HGF: variants seen among roughly 807,000 people sequenced by gnomAD.
HGF encodes the protein fibroblast-derived tumor cytotoxic factor.
In HGF, 39 loss-of-function variants were observed where a neutral mutation model predicts 111.6. The observed-to-expected ratio is 0.35, with a 90% CI of 0.27 to 0.46. The LOEUF (loss-of-function observed/expected upper bound fraction) is 0.46. HGF is among the 20% of genes least tolerant of loss of function. The pLI, the probability that HGF is intolerant of heterozygous loss-of-function variation, is 1.00. For missense variants in HGF, 735 were observed against 910.5 expected, an observed-to-expected ratio of 0.81 and a Z score of 2.48; for synonymous variants, 285 against 294.8, an observed-to-expected ratio of 0.97 and a Z score of 0.34.
At chr7:81,751,854 C>A (rs1788520883) in intron 5 of HGF, 5 of 1,286,416 alleles carry the variant, frequency 3.9e-6, no homozygotes, top group South Asian at 1.8e-5. Flanking sequence ...GGTAAGTAAA[C>A]CCTCTCTTTC....
At position 81,743,612 on chromosome 7, in the gene HGF, G is replaced by C. The variant is rs1788098582; in HGVS notation, c.747-141C>G. 1.4e-5 allele frequency: 10 copies of C among 733,032 alleles called. No individual in the cohort carries two copies. The South Asian group carries it at 1.5e-4, about 11-fold the overall frequency. 45.4% of individuals were successfully genotyped at this position (733,032 alleles called of 1,614,324 possible). On this transcript the variant is annotated intron_variant, in intron 6 of 17. Coordinates refer to ENST00000222390, the MANE Select transcript of HGF (RefSeq NM_000601.6). Reference sequence around the variant, plus strand: ...CGTTTTCTATGTTTTGCCTTACGAGGACTGCTGATCACTGACTATTGAATC... The same window carrying C: ...CGTTTTCTATGTTTTGCCTTACGAGCACTGCTGATCACTGACTATTGAATC...
rs1789281445 is a variant in HGF, at chr7:81,701,641, T to C, written c.*940A>G. The stretch of plus-strand genomic sequence containing the variant: ...TTAAGAAATGCTTTAGGAAAATAGA[T>C]CTACAAATATCTTGTGTAAATAAGT... On this transcript the variant is annotated 3_prime_UTR_variant, in exon 18 of 18. Coordinates refer to ENST00000222390, the MANE Select transcript of HGF (RefSeq NM_000601.6). 4.0e-5 allele frequency: 6 copies of C among 151,546 alleles called. No individual in the cohort carries two copies. In the Admixed American group the frequency reaches 4.0e-4, roughly 10 times the overall value. The allele number at this position is 151,546 out of a possible 1,614,324, so 9.4% of individuals were successfully genotyped here. A position where few individuals can be genotyped will look rare whatever the true frequency, so the allele number is the denominator to read the frequency against.
At position 81,700,729 on chromosome 7, in the gene HGF, T is replaced by C. The variant is rs1003095367; in HGVS notation, c.*1852A>G. 1 of 151,614 alleles carries C rather than the reference T, an allele frequency of 6.6e-6. No individual in the cohort carries two copies. Among genetic ancestry groups the C allele is most frequent in the Non-Finnish European group, 1.5e-5 (1 of 67,652 alleles). 9.4% of individuals were successfully genotyped at this position (151,614 alleles called of 1,614,324 possible). A position where few individuals can be genotyped will look rare whatever the true frequency, so the allele number is the denominator to read the frequency against. The stretch of plus-strand genomic sequence containing the variant: ...ATAGAAATACCATCAGATAAGATGA[T>C]AGAGACCAGCAACTAGTTGGATGTC... On this transcript the variant is annotated 3_prime_UTR_variant, in exon 18 of 18. Coordinates refer to ENST00000222390, the MANE Select transcript of HGF (RefSeq NM_000601.6).
Position 81,707,279 on chromosome 7 carries a change from A to T in HGF, c.1616+11T>A, listed in dbSNP as rs1789453120. On this transcript the variant is annotated intron_variant, in intron 14 of 17. Coordinates refer to ENST00000222390, the MANE Select transcript of HGF (RefSeq NM_000601.6). ...AGGCTCAAAATAATACTAGTTTTAA[A>T]AACACTTTACCGAGAAGGGAAACAC... 5.2e-6 allele frequency: 8 copies of T among 1,524,044 alleles called. No individual in the cohort carries two copies. The highest frequency in any genetic ancestry group is 5.5e-6 in the Non-Finnish European group (6 of 1,098,732). 94.4% of individuals were successfully genotyped at this position (1,524,044 alleles called of 1,614,324 possible). A position where few individuals can be genotyped will look rare whatever the true frequency, so the allele number is the denominator to read the frequency against.
At chr7:81,708,617 T>C (rs574156216) in intron 13 of HGF, among the ~76,000 whole-genome samples, 16 of 150,380 alleles carry the variant, frequency 1.1e-4, no homozygotes, top group Non-Finnish European at 1.9e-4. Flanking sequence ...CTAATTTTTG[T>C]ATTTTTAGTA....
Position 81,722,773 on chromosome 7 carries a change from C to T in HGF, c.1169-1926G>A, listed in dbSNP as rs931093363. On this transcript the variant is annotated intron_variant, in intron 9 of 17. Transcript: ENST00000222390. ...AGGTTGCAATGAGCCAAGATCATGC[C>T]ACTGCAATCCAGCCTGGGCGACAGA... 3.1e-5 allele frequency among the ~76,000 whole-genome samples: 4 copies of T among 127,734 alleles called. No homozygotes were observed. In the East Asian group the frequency reaches 6.9e-4, roughly 22 times the overall value. 83.8% of individuals were successfully genotyped at this position (127,734 alleles called of 152,430 possible).
chr7:81,745,286 A>G (rs183374027), intron 5 of HGF, among the ~76,000 whole-genome samples, 166 bp from the exon 6 acceptor site: 1 of 152,334 alleles, frequency 6.6e-6, no homozygotes, highest in East Asian at 1.9e-4. Flanking sequence ...AGTGACATAA[A>G]CTACTCCCTA....
At chr7:81,715,998 A>G (rs899921126) in intron 11 of HGF, among the ~76,000 whole-genome samples, 2 of 152,196 alleles carry the variant, frequency 1.3e-5, no homozygotes, top group African/African-American at 4.8e-5. Flanking sequence ...ACAGATACAT[A>G]GTATAGTAAA....
chr7:81,761,647 C>G (rs1789086181), intron 2 of HGF, among the ~76,000 whole-genome samples: 1 of 151,862 alleles, frequency 6.6e-6, no homozygotes, highest in Admixed American at 6.6e-5. Context: ...CTTCTTCTGA[C>G]AGTTTAGGAG....
chr7:81,711,381 T>C, intron 12 of HGF, 100 bp downstream of exon 12: 1 of 566,942 alleles, frequency 1.8e-6, no homozygotes, highest in South Asian at 3.1e-5. Flanking sequence ...CTTTTTATAA[T>C]GGAAGCTAAT....
chr7:81,740,664 T>A (rs1787971620), intron 7 of HGF, among the ~76,000 whole-genome samples: 1 of 152,238 alleles, frequency 6.6e-6, no homozygotes, highest in South Asian at 2.1e-4. Context: ...GCTATCCTGT[T>A]GGCAGGAGTA....
intron 2 of HGF, among the ~76,000 whole-genome samples, chr7:81,760,100 TA>T (rs1788994616): frequency 6.6e-6 from 1 of 152,198 alleles, no homozygotes; most frequent in South Asian, 2.1e-4. Context: ...CACCTCCATA[TA>T]AAGTGGGTGG....
chr7:81,734,079 C>G (rs948743860), intron 7 of HGF, among the ~76,000 whole-genome samples: 1 of 152,038 alleles, frequency 6.6e-6, no homozygotes, highest in Non-Finnish European at 1.5e-5. Flanking sequence ...TGTCAGAAAA[C>G]ACAGAAACAT....
In HGF at chr7:81,700,701, A is replaced by G. The variant is rs905679818; in HGVS notation, c.*1880T>C. On this transcript the variant is annotated 3_prime_UTR_variant, in exon 18 of 18. Transcript: ENST00000222390. ...TACTAAAATGGTGTATTATATAAGG[A>G]AAATAGAAATACCATCAGATAAGAT... 5 of 151,602 alleles carry G rather than the reference A, an allele frequency of 3.3e-5. No homozygotes were observed. The highest frequency in any genetic ancestry group is 1.3e-4 in the Admixed American group (2 of 15,150). 9.4% of individuals were successfully genotyped at this position (151,602 alleles called of 1,614,324 possible).
chr7:81,745,264 A>AT, intron 5 of HGF, 144 bp from the exon 6 acceptor site: 2 of 778,188 alleles, frequency 2.6e-6, no homozygotes, highest in Non-Finnish European at 4.3e-6. Context: ...TTAGGGCCTA[A>AT]TGTCTATAAA....
intron 11 of HGF, among the ~76,000 whole-genome samples, chr7:81,713,523 G>C (rs1217319868): frequency 8.3e-6 from 1 of 119,980 alleles, no homozygotes; most frequent in Non-Finnish European, 1.7e-5. Context: ...GGGCAGCAGT[G>C]TGATACTCTG....
At chr7:81,738,024 T>A (rs921738106) in intron 7 of HGF, among the ~76,000 whole-genome samples, 1 of 151,986 alleles carries the variant, frequency 6.6e-6, no homozygotes, top group Non-Finnish European at 1.5e-5. Context: ...GGCAGCTAAA[T>A]GATGAGAACA....
At chr7:81,757,040 C>T in intron 4 of HGF, 149 bp downstream of exon 4, 2 of 658,612 alleles carry the variant, frequency 3.0e-6, no homozygotes, top group Non-Finnish European at 5.5e-6. Context: ...AAATATCAGT[C>T]ATGAATTCAT....
chr7:81,750,936 A>G (rs1228857784), intron 5 of HGF: 6 of 917,452 alleles, frequency 6.5e-6, no homozygotes, highest in Non-Finnish European at 6.5e-6. Flanking sequence ...AAAAGAAAAG[A>G]AAACAATGAA....
Sources: gnomAD v4.1 joint callset for allele counts (sites outside exome capture counted in the v4.1 genomes callset) on GRCh38, gnomAD v4.1.1 for gene constraint, MANE v1.5 for transcripts, NCBI Gene and HGNC (gene_info 2026-07-23, HGNC 2026-07-21) for gene names.